Variants in PTPRD observed in about 807,000 individuals in gnomAD.
The protein encoded by PTPRD is protein tyrosine phosphatase receptor type D.
Under a neutral mutation model 214.5 loss-of-function variants are expected in PTPRD, and 34 were observed. The observed-to-expected ratio is 0.16, with a 90% CI of 0.12 to 0.21. The LOEUF is 0.21. Ranked by LOEUF, PTPRD falls within the 10% of genes least tolerant of loss-of-function variation. PTPRD has a pLI of 1.00. For missense variants in PTPRD, 2,545 were observed against 2,398.7 expected (o/e 1.06, Z -1.27); for synonymous variants, 1,128 against 845.7 (o/e 1.33, Z -5.79).
At chr9:9,644,088 T>G (rs1331685629) in intron 7 of PTPRD, among the ~76,000 whole-genome samples, 1 of 152,196 alleles carries the variant, frequency 6.6e-6, no homozygotes, top group Admixed American at 6.5e-5. Context: ...CAACTATAAG[T>G]ATTGTATTTT....
chr9:8,595,698 T>C (rs2094441541), intron 14 of PTPRD, among the ~76,000 whole-genome samples: 1 of 152,228 alleles, frequency 6.6e-6, no homozygotes, highest in Non-Finnish European at 1.5e-5. Flanking sequence ...TAAACACTCT[T>C]CTTTAGAATT....
At chr9:9,084,510 ACCTGCAT>A (rs1197376576) in intron 10 of PTPRD, among the ~76,000 whole-genome samples, 1 of 152,098 alleles carries the variant, frequency 6.6e-6, no homozygotes, top group Non-Finnish European at 1.5e-5. Context: ...TATGTAACAA[ACCTGCAT>A]GTTTTGCACA....
chr9:8,783,958 T>G (rs1791582670), intron 11 of PTPRD, among the ~76,000 whole-genome samples: 1 of 152,208 alleles, frequency 6.6e-6, no homozygotes, highest in African/African-American at 2.4e-5. Context: ...TCCTGCTGCT[T>G]TGGTAATTCA....
At chr9:8,399,056 C>T (rs1225387667) in intron 36 of PTPRD, among the ~76,000 whole-genome samples, 1 of 148,368 alleles carries the variant, frequency 6.7e-6, no homozygotes, top group Non-Finnish European at 1.5e-5. Context: ...GTGAGAGTCA[C>T]ATAGTAGCCA....
At chr9:9,916,091 AAAC>A (rs1371089705) in intron 5 of PTPRD, among the ~76,000 whole-genome samples, 13 of 150,424 alleles carry the variant, frequency 8.6e-5, no homozygotes, top group East Asian at 7.9e-4. Context: ...AAAAAAAAAA[AAAC>A]AAAAAACTGT....
intron 3 of PTPRD, among the ~76,000 whole-genome samples, chr9:10,208,096 G>A (rs1318842821): frequency 2.0e-5 from 3 of 152,166 alleles, no homozygotes; most frequent in Admixed American, 1.3e-4. Context: ...GTTCCCAGGA[G>A]TAACAACAAC....
intron 12 of PTPRD, among the ~76,000 whole-genome samples, chr9:8,665,253 G>A (rs1325323275): frequency 6.6e-6 from 1 of 152,146 alleles, no homozygotes; most frequent in Non-Finnish European, 1.5e-5. Context: ...GTGTCCCCAC[G>A]AAAATGCAGC....
chr9:10,395,863 T>C (rs936403558), intron 2 of PTPRD, among the ~76,000 whole-genome samples: 1 of 151,804 alleles, frequency 6.6e-6, no homozygotes. Context: ...AATGAATTGT[T>C]TGTTCCTAGA....
chr9:8,953,179 G>A (rs546029498), intron 11 of PTPRD, among the ~76,000 whole-genome samples: 13 of 151,976 alleles, frequency 8.6e-5, no homozygotes, highest in African/African-American at 2.9e-4. Context: ...GCACATTTGT[G>A]CAAAAGTGTG....
In PTPRD at chr9:9,327,748, G is replaced by A. The variant is rs373699776; in HGVS notation, c.-203+69701C>T. 5.3e-5 allele frequency among the ~76,000 whole-genome samples: 8 copies of A among 151,956 alleles called. No homozygotes were observed. The East Asian group carries it at 7.7e-4, about 15-fold the overall frequency. On this transcript the variant is annotated intron_variant, in intron 9 of 45. Coordinates refer to ENST00000381196, the MANE Select transcript of PTPRD (RefSeq NM_002839.4). The stretch of plus-strand genomic sequence containing the variant: ...TCTATTTTTTCACTGGATAATACAC[G>A]GTACTATGTTTCAATTAAGTCCATC...
chr9:9,248,763 G>C (rs1417639481), intron 9 of PTPRD, among the ~76,000 whole-genome samples: 1 of 152,032 alleles, frequency 6.6e-6, no homozygotes, highest in Non-Finnish European at 1.5e-5. Flanking sequence ...ATGCATTTGG[G>C]TGTTGCAAAA....
chr9:8,421,466 C>A (rs973538076), intron 35 of PTPRD, among the ~76,000 whole-genome samples: 1 of 151,866 alleles, frequency 6.6e-6, no homozygotes, highest in African/African-American at 2.4e-5. Context: ...TCCTGATAAA[C>A]GAGACACCAT....
chr9:9,939,273 T>C (rs1049380000), intron 4 of PTPRD, among the ~76,000 whole-genome samples: 2 of 152,190 alleles, frequency 1.3e-5, no homozygotes, highest in East Asian at 3.9e-4. Flanking sequence ...TAGGGTCTTG[T>C]ACTGCACACA....
intron 9 of PTPRD, among the ~76,000 whole-genome samples, chr9:9,384,037 C>T (rs10977697): frequency 0.24 from 35,702 of 151,552 alleles, 4,283 homozygotes; most frequent in Middle Eastern, 0.37. Context: ...ATACGAGATA[C>T]AGTTTGCCAA....
At chr9:9,609,760 G>T (rs564877395) in intron 7 of PTPRD, among the ~76,000 whole-genome samples, 1 of 152,162 alleles carries the variant, frequency 6.6e-6, no homozygotes, top group African/African-American at 2.4e-5. Context: ...ACCGCACCTG[G>T]CACAATGTGA....
intron 10 of PTPRD, among the ~76,000 whole-genome samples, chr9:9,061,819 G>T (rs324501): frequency 6.6e-6 from 1 of 151,864 alleles, no homozygotes. Flanking sequence ...CAAATAAACA[G>T]CTCTTCTATC....
At chr9:10,518,706 G>C (rs1441356256) in intron 2 of PTPRD, among the ~76,000 whole-genome samples, 3 of 151,626 alleles carry the variant, frequency 2.0e-5, no homozygotes, top group Admixed American at 6.7e-5. Context: ...CTAATTTTTT[G>C]TATTTTTAGT....
At chr9:8,554,944 G>GTA (rs112170155) in intron 14 of PTPRD, among the ~76,000 whole-genome samples, 13,838 of 151,966 alleles carry the variant, frequency 0.091, 1,495 homozygotes, top group African/African-American at 0.27. Flanking sequence ...GTACTTATGA[G>GTA]TATATATGAC....
chr9:8,996,426 G>T (rs541986445), intron 11 of PTPRD, among the ~76,000 whole-genome samples: 1 of 152,194 alleles, frequency 6.6e-6, no homozygotes, highest in African/African-American at 2.4e-5. Flanking sequence ...AAAGAAAAAC[G>T]TAGGGGCAGC....
Sources: gnomAD v4.1 joint callset for allele counts (sites outside exome capture counted in the v4.1 genomes callset) on GRCh38, gnomAD v4.1.1 for gene constraint, MANE v1.5 for transcripts, NCBI Gene and HGNC (gene_info 2026-07-23, HGNC 2026-07-21) for gene names.